ELAPOR2: variants seen among roughly 807,000 people sequenced by gnomAD.
ELAPOR2 encodes endosome-lysosome associated apoptosis and autophagy regulator family member 2.
Under a neutral mutation model 120.7 loss-of-function variants are expected in ELAPOR2, and 89 were observed. The ratio of observed to expected loss-of-function variants is 0.74; its 90% CI spans 0.62 to 0.88. The LOEUF is 0.88. Ranked by LOEUF, ELAPOR2 falls within the 40% of genes least tolerant of loss-of-function variation. The probability of loss-of-function intolerance (pLI) is 0.00; values close to 1 mark genes in which losing one functional copy is unlikely to be tolerated. For synonymous variants in ELAPOR2, 444 were observed against 444.9 expected (o/e 1.00, Z 0.03); for missense variants, 1,134 against 1,251.6 (o/e 0.91, Z 1.42).
intron 1 of ELAPOR2, among the ~76,000 whole-genome samples, chr7:86,993,540 C>A (rs890347966): frequency 1.3e-5 from 2 of 152,152 alleles, no homozygotes; most frequent in South Asian, 2.1e-4. Flanking sequence ...AGGAATCTTA[C>A]AAATATTTGG....
At chr7:86,925,837 A>T (rs560955599) in intron 9 of ELAPOR2, among the ~76,000 whole-genome samples, 181 bp from the exon 10 acceptor site, 2 of 152,202 alleles carry the variant, frequency 1.3e-5, no homozygotes, top group African/African-American at 4.8e-5. Flanking sequence ...AAAGAACAAA[A>T]TTCTAGATAT....
chr7:87,036,978 C>T (rs1237534976), intron 1 of ELAPOR2, among the ~76,000 whole-genome samples: 2 of 152,120 alleles, frequency 1.3e-5, no homozygotes, highest in Non-Finnish European at 2.9e-5. Flanking sequence ...AATCACCCTG[C>T]CTATATCATA....
chr7:87,009,577 A>G (rs998730957), intron 1 of ELAPOR2, among the ~76,000 whole-genome samples: 1 of 152,208 alleles, frequency 6.6e-6, no homozygotes, highest in Non-Finnish European at 1.5e-5. Context: ...TAGGAAAGGT[A>G]GTGAAATAAT....
chr7:87,020,675 G>T (rs1794009760), intron 1 of ELAPOR2, among the ~76,000 whole-genome samples: 1 of 152,036 alleles, frequency 6.6e-6, no homozygotes, highest in Admixed American at 6.6e-5. Context: ...AGATGTTTTG[G>T]AGTGTTACAA....
At chr7:86,976,547 C>T (rs1044322027) in intron 1 of ELAPOR2, among the ~76,000 whole-genome samples, 3 of 152,094 alleles carry the variant, frequency 2.0e-5, no homozygotes, top group African/African-American at 7.2e-5. Context: ...GATGATCCTG[C>T]CCCTCACCTG....
At chr7:86,904,993 A>T (rs1039459079) in intron 18 of ELAPOR2, among the ~76,000 whole-genome samples, 29 of 151,480 alleles carry the variant, frequency 1.9e-4, no homozygotes, top group African/African-American at 6.8e-4. Flanking sequence ...CCCTCCCTCC[A>T]CTCTGGAAAT....
intron 2 of ELAPOR2, among the ~76,000 whole-genome samples, chr7:86,950,662 T>G (rs187070114): frequency 6.6e-6 from 1 of 152,300 alleles, no homozygotes; most frequent in African/African-American, 2.4e-5. Context: ...CTGAACCCCA[T>G]GCTCACTCAC....
Position 86,995,117 on chromosome 7 carries a change from G to A in ELAPOR2, c.190-30093C>T, listed in dbSNP as rs557133364. Among the ~76,000 whole-genome samples, 9 of 152,186 alleles carry A rather than the reference G, an allele frequency of 5.9e-5. No individual in the cohort carries two copies. The South Asian group carries it at 6.2e-4, about 11-fold the overall frequency. On this transcript the variant is annotated intron_variant, in intron 1 of 21. Transcript: ENST00000450689. Reference sequence around the variant, plus strand: ...CAAGACAGCTGTAGTAGTTTCAAGCGTCACCTTCAGGCAAGACAGTAGCCA... The same window carrying A: ...CAAGACAGCTGTAGTAGTTTCAAGCATCACCTTCAGGCAAGACAGTAGCCA...
intron 1 of ELAPOR2, among the ~76,000 whole-genome samples, chr7:87,033,643 C>A (rs1296234857): frequency 2.7e-5 from 4 of 150,872 alleles, no homozygotes; most frequent in Non-Finnish European, 5.9e-5. Context: ...TTAAGAGAAT[C>A]CAAAAAAAAT....
At chr7:86,946,159 T>TCACACACACACACACACACACA (rs3223108) in intron 3 of ELAPOR2, among the ~76,000 whole-genome samples, 15 of 146,390 alleles carry the variant, frequency 1.0e-4, no homozygotes, top group Admixed American at 2.7e-4. Context: ...ATACCATTTC[T>TCACACACACACACACACACACA]CACACACACA....
intron 1 of ELAPOR2, among the ~76,000 whole-genome samples, chr7:87,052,563 T>C (rs142285542): frequency 3.7e-4 from 56 of 152,316 alleles, no homozygotes; most frequent in African/African-American, 1.3e-3. Context: ...TTTTAGTAGG[T>C]TGTGCACAGG....
At chr7:87,002,189 C>A (rs761220232) in intron 1 of ELAPOR2, among the ~76,000 whole-genome samples, 1 of 152,146 alleles carries the variant, frequency 6.6e-6, no homozygotes, top group Non-Finnish European at 1.5e-5. Flanking sequence ...TAAATTATAG[C>A]CCAGTCCAGT....
chr7:86,984,649 C>T (rs193060622), intron 1 of ELAPOR2, among the ~76,000 whole-genome samples: 2 of 152,296 alleles, frequency 1.3e-5, no homozygotes, highest in East Asian at 3.9e-4. Context: ...AGAACAAAGA[C>T]ACAATGTACC....
chr7:86,942,165 T>C, intron 4 of ELAPOR2, 61 bp from the exon 5 acceptor site: 2 of 970,738 alleles, frequency 2.1e-6, no homozygotes, highest in Non-Finnish European at 3.2e-6. Context: ...AATTAAATTC[T>C]GTACCCAGCA....
intron 1 of ELAPOR2, among the ~76,000 whole-genome samples, chr7:87,009,704 G>A (rs1793593524): frequency 6.6e-6 from 1 of 152,108 alleles, no homozygotes; most frequent in Non-Finnish European, 1.5e-5. Context: ...TCCTTTCTCT[G>A]GCTTTCTCAC....
At chr7:86,943,410 A>G (rs796310740) in intron 4 of ELAPOR2, among the ~76,000 whole-genome samples, 6 of 152,144 alleles carry the variant, frequency 3.9e-5, no homozygotes, top group African/African-American at 1.2e-4. Flanking sequence ...AGAGAACAGC[A>G]TATTTCAATC....
At chr7:86,968,182 A>G (rs533467829) in intron 1 of ELAPOR2, among the ~76,000 whole-genome samples, 16 of 152,332 alleles carry the variant, frequency 1.1e-4, no homozygotes, top group African/African-American at 3.1e-4. Flanking sequence ...ATTACAGCAC[A>G]TATGTTTTCA....
intron 3 of ELAPOR2, among the ~76,000 whole-genome samples, chr7:86,947,177 A>C (rs1791045025): frequency 6.6e-6 from 1 of 152,248 alleles, no homozygotes; most frequent in Non-Finnish European, 1.5e-5. Flanking sequence ...ACAAGGGAAC[A>C]GGAAGGGATA....
Position 86,964,986 on chromosome 7 carries a change from A to G in ELAPOR2, c.228T>C (p.Ser76=). The change falls in exon 2 of 22, where the codon AGT becomes AGC. Residue 76 remains serine, a synonymous_variant. Transcript: ENST00000450689. ...YHFEYTECDS[S]GSRWRVAIPN... is the part of the protein sequence containing the mutation. ...GAATGGCAACTCTCCACCTGGAGCC[A>G]CTGCTATCACATTCCGTATATTCAA... The G allele has an allele frequency of 6.4e-7, 1 of 1,551,608 alleles. No individual in the cohort carries two copies. The highest frequency in any genetic ancestry group is 2.4e-5 in the East Asian group (1 of 40,932).
Sources: allele counts gnomAD v4.1 joint callset (sites outside exome capture counted in the v4.1 genomes callset), GRCh38; gene constraint gnomAD v4.1.1; transcripts MANE v1.5; gene names NCBI Gene and HGNC (gene_info 2026-07-23, HGNC 2026-07-21).